The following DNAH9 variants were observed in gnomAD, a reference collection of about 807,000 sequenced individuals.
DNAH9 encodes the protein DNAH9 variant protein.
In DNAH9, 345 loss-of-function variants were observed where a neutral mutation model predicts 471.6. The observed-to-expected ratio is 0.73, with a 90% CI of 0.67 to 0.80. The LOEUF is 0.80. Among genes scored for constraint, DNAH9 ranks in the 30% least tolerant of loss-of-function variants. DNAH9 has a pLI of 0.00. For missense variants in DNAH9, 5,407 were observed against 5,609.2 expected (o/e 0.96, Z 1.15); for synonymous variants, 2,093 against 2,123.6 (o/e 0.99, Z 0.40).
chr17:11,842,710 G>A (rs528286486), intron 49 of DNAH9, among the ~76,000 whole-genome samples: 43 of 152,270 alleles, frequency 2.8e-4, no homozygotes, highest in Non-Finnish European at 4.1e-4. Context: ...GCCAGAAGAC[G>A]CAGCAAGTCA....
Position 11,619,492 on chromosome 17 carries a change from G to T in DNAH9, c.1117-56G>T. On this transcript the variant is annotated intron_variant, in intron 5 of 68. Coordinates refer to ENST00000262442, the MANE Select transcript of DNAH9 (RefSeq NM_001372.4). ...AATGATTCAGTTCAGAGTTGGTGTTGCAAAGTTACAGGATGTCTGCACCTG... is the reference window on the plus strand; with the variant it reads ...AATGATTCAGTTCAGAGTTGGTGTTTCAAAGTTACAGGATGTCTGCACCTG... The T allele has an allele frequency of 4.0e-6, 4 of 996,404 alleles. No homozygotes were observed. In the South Asian group the frequency reaches 5.3e-5, roughly 13 times the overall value. The allele number at this position is 996,404 out of a possible 1,614,324, so 61.7% of individuals were successfully genotyped here.
intron 4 of DNAH9, among the ~76,000 whole-genome samples, chr17:11,616,960 C>A (rs1347142940): frequency 6.6e-6 from 1 of 152,212 alleles, no homozygotes; most frequent in Non-Finnish European, 1.5e-5. Flanking sequence ...GAACTACCTT[C>A]AGCCTTCACA....
chr17:11,742,789 T>G (rs550419882), intron 30 of DNAH9, among the ~76,000 whole-genome samples: 1 of 152,346 alleles, frequency 6.6e-6, no homozygotes, highest in African/African-American at 2.4e-5. Context: ...GGTTTCTGCC[T>G]TGAACGGAGA....
intron 19 of DNAH9, among the ~76,000 whole-genome samples, chr17:11,683,690 G>A (rs888395043): frequency 3.3e-5 from 5 of 151,912 alleles, no homozygotes; most frequent in African/African-American, 7.3e-5. Context: ...AGTTGTGTTC[G>A]TTTTTCTTTC....
At chr17:11,771,649 G>A (rs1022918624) in intron 38 of DNAH9, among the ~76,000 whole-genome samples, 43 of 152,112 alleles carry the variant, frequency 2.8e-4, no homozygotes, top group African/African-American at 1.0e-3. Context: ...TTAGCAGTTC[G>A]CTGTCTGCCT....
chr17:11,903,779 C>T lies in DNAH9; in HGVS notation c.11600+867C>T, dbSNP rs557714005. Among the ~76,000 whole-genome samples the T allele has an allele frequency of 7.2e-5, 11 of 152,148 alleles. 1 individual carries two copies. Among genetic ancestry groups the T allele is most frequent in the Admixed American group, 6.5e-4 (10 of 15,272 alleles). On this transcript the variant is annotated intron_variant, in intron 60 of 68. Transcript: ENST00000262442. ...CAGAAAAATTAGCTGGGCGTGGTGGCGCATTCCTGTAGTCCCAGCTACTTA... is the reference window on the plus strand; with the variant it reads ...CAGAAAAATTAGCTGGGCGTGGTGGTGCATTCCTGTAGTCCCAGCTACTTA...
In DNAH9 at chr17:11,941,737, T is replaced by TAGAC. The variant is rs1277892354; in HGVS notation, c.12661-564_12661-563insACAG. Among the ~76,000 whole-genome samples, 11 of 146,770 alleles carry TAGAC rather than the reference T, an allele frequency of 7.5e-5. No individual in the cohort carries two copies. In the East Asian group the frequency reaches 2.0e-3, roughly 27 times the overall value. On this transcript the variant is annotated intron_variant, in intron 66 of 68. Coordinates refer to ENST00000262442, the MANE Select transcript of DNAH9 (RefSeq NM_001372.4). ...ATAGATAGATAGATAGATAGATAGA[T>TAGAC]AGTGATAGATTAGATAGATGGATAG...
At chr17:11,822,266 C>T (rs1205173658) in intron 46 of DNAH9, among the ~76,000 whole-genome samples, 172 bp from the exon 47 acceptor site, 1 of 152,216 alleles carries the variant, frequency 6.6e-6, no homozygotes, top group East Asian at 1.9e-4. Flanking sequence ...ATCACGCAGT[C>T]CCAGCGTTTT....
intron 22 of DNAH9, among the ~76,000 whole-genome samples, chr17:11,698,195 A>AATATTAT (rs1348563112): frequency 1.5e-5 from 2 of 129,434 alleles, no homozygotes; most frequent in African/African-American, 5.8e-5. Flanking sequence ...TATTAATATA[A>AATATTAT]TAATATATTA....
Position 11,629,861 on chromosome 17 carries a change from G to A in DNAH9, c.1518+277G>A, listed in dbSNP as rs183498379. ...GACACCAGGGTTTCAGAGATGCTGA[G>A]GTGGGTATGACATGACAGTGGAGGC... On this transcript the variant is annotated intron_variant, in intron 7 of 68. Coordinates refer to ENST00000262442, the MANE Select transcript of DNAH9 (RefSeq NM_001372.4). Among the ~76,000 whole-genome samples the A allele has an allele frequency of 2.4e-4, 36 of 152,332 alleles. No individual in the cohort carries two copies. In the East Asian group the frequency reaches 4.8e-3, roughly 20 times the overall value.
At chr17:11,613,553 C>T (rs1206919570) in intron 4 of DNAH9, among the ~76,000 whole-genome samples, 1 of 152,126 alleles carries the variant, frequency 6.6e-6, no homozygotes, top group Non-Finnish European at 1.5e-5. Context: ...TGCAGTGAGT[C>T]GAGATCGCGT....
Position 11,738,938 on chromosome 17 carries a change from A to T in DNAH9, c.5873A>T (p.Glu1958Val). The change falls in exon 29 of 69, where the codon GAG becomes GTG. Residue 1958 changes from glutamate (E) to valine (V), a missense_variant. Glu to Val is a moderately radical substitution (Grantham distance 121, BLOSUM62 -2). Transcript: ENST00000262442. Reference sequence around the variant, plus strand: ...AAGCAGTGGTTCAGCTTCCTTGGGGAGGAGATCAGCCTGAATCCTTCTGTC... The same window carrying T: ...AAGCAGTGGTTCAGCTTCCTTGGGGTGGAGATCAGCCTGAATCCTTCTGTC... ...DKKQWFSFLGEEISLNPSVGI... is the reference protein window; with the variant it reads ...DKKQWFSFLGVEISLNPSVGI... 3 of 1,614,080 alleles carry T rather than the reference A, an allele frequency of 1.9e-6. No homozygotes were observed. Among genetic ancestry groups the T allele is most frequent in the Non-Finnish European group, 2.5e-6 (3 of 1,179,944 alleles).
At chr17:11,637,234 G>A (rs556700407) in intron 9 of DNAH9, among the ~76,000 whole-genome samples, 10 of 152,276 alleles carry the variant, frequency 6.6e-5, no homozygotes, top group Non-Finnish European at 1.3e-4. Flanking sequence ...ATGCCAAGGC[G>A]TGATGTCTCC....
intron 24 of DNAH9, 110 bp from the exon 25 acceptor site, chr17:11,704,093 G>A (rs2074652820): frequency 4.9e-6 from 6 of 1,215,634 alleles, no homozygotes; most frequent in Admixed American, 1.8e-5. Flanking sequence ...AGGGAGGGAT[G>A]GGGCTCATGT....
chr17:11,642,410 C>A (rs2073292248), intron 10 of DNAH9, among the ~76,000 whole-genome samples: 1 of 150,548 alleles, frequency 6.6e-6, no homozygotes, highest in Non-Finnish European at 1.5e-5. Flanking sequence ...GTGGTGGGGG[C>A]AGGGGGCGGG....
chr17:11,704,119 A>G (rs776921534), intron 24 of DNAH9, 84 bp from the exon 25 acceptor site: 1 of 1,497,284 alleles, frequency 6.7e-7, no homozygotes, highest in Non-Finnish European at 9.2e-7. Context: ...ACACAATTAC[A>G]TCCTGAGCCC....
chr17:11,667,540 A>T (rs1052312780), intron 15 of DNAH9, among the ~76,000 whole-genome samples: 3 of 152,178 alleles, frequency 2.0e-5, no homozygotes, highest in Admixed American at 1.3e-4. Context: ...ACTTAGGGTG[A>T]GTGGCTAAGC....
intron 59 of DNAH9, among the ~76,000 whole-genome samples, chr17:11,901,924 A>G (rs1478233830): frequency 6.6e-6 from 1 of 152,236 alleles, no homozygotes; most frequent in East Asian, 1.9e-4. Context: ...ATTAGGAAGG[A>G]TGGCCCAAGG....
intron 45 of DNAH9, among the ~76,000 whole-genome samples, chr17:11,818,854 C>T (rs1970203981): frequency 6.6e-6 from 1 of 151,520 alleles, no homozygotes; most frequent in East Asian, 1.9e-4. Context: ...CTCACAGCTA[C>T]TTTATACATC....
Sources: allele counts gnomAD v4.1 joint callset (sites outside exome capture counted in the v4.1 genomes callset), GRCh38; gene constraint gnomAD v4.1.1; transcripts MANE v1.5; gene names NCBI Gene and HGNC (gene_info 2026-07-23, HGNC 2026-07-21).